IRF2BPL: variants seen among roughly 807,000 people sequenced by gnomAD.
IRF2BPL encodes the protein probable E3 ubiquitin-protein ligase IRF2BPL.
Under a neutral mutation model 51.2 loss-of-function variants are expected in IRF2BPL, and 13 were observed. The ratio of observed to expected loss-of-function variants is 0.25; its 90% CI spans 0.17 to 0.40. The LOEUF (loss-of-function observed/expected upper bound fraction) is 0.40. Ranked by LOEUF, IRF2BPL falls within the 10% of genes least tolerant of loss-of-function variation. The probability of loss-of-function intolerance (pLI) is 1.00; values close to 1 mark genes in which losing one functional copy is unlikely to be tolerated. For synonymous variants in IRF2BPL, 768 were observed against 509.2 expected (o/e 1.51, Z -6.84); for missense variants, 1,210 against 1,111.8 (o/e 1.09, Z -1.26).
Position 77,027,539 on chromosome 14 carries a change from G to C in IRF2BPL, c.254C>G (p.Ala85Gly). 2 of 720,542 alleles carry C rather than the reference G, an allele frequency of 2.8e-6. No homozygotes were observed. Among genetic ancestry groups the C allele is most frequent in the South Asian group, 9.9e-5 (2 of 20,254 alleles). 44.6% of individuals were successfully genotyped at this position (720,542 alleles called of 1,614,324 possible). The change falls in exon 1 of 1, where the codon GCT (alanine) becomes GGT (glycine). Residue 85 changes from alanine (A) to glycine (G), a missense_variant. Transcript: ENST00000238647. ...TGCCGCCGCCGCCGCCGCTTCCTTAGCCGACAGGGCCACTGTCTTGACCCC... is the reference window on the plus strand; with the variant it reads ...TGCCGCCGCCGCCGCCGCTTCCTTACCCGACAGGGCCACTGTCTTGACCCC... ...PVGVKTVALS[A>G]KEAAAAAAAA...
chr14:77,025,467 T>A lies in IRF2BPL; in HGVS notation c.2326A>T (p.Met776Leu). 6.2e-7 allele frequency: 1 copy of A among 1,605,346 alleles called. No individual in the cohort carries two copies. ...LVGSNVPWAF[M>L]QGEIATILAG... ...AAGATAGTCGCGATTTCGCCCTGCA[T>A]GAAGGCCCAAGGTACATTCGACCCG... Residue 776 changes from methionine to leucine, a missense_variant, in exon 1 of 1, where the codon ATG becomes TTG. Met to Leu is a conservative substitution (Grantham distance 15). Coordinates refer to ENST00000238647, the MANE Select transcript of IRF2BPL (RefSeq NM_024496.4).
chr14:77,027,365 G>T lies in IRF2BPL; in HGVS notation c.428C>A (p.Pro143Gln). The T allele has an allele frequency of 6.6e-7, 1 of 1,512,336 alleles. No individual in the cohort carries two copies. Among genetic ancestry groups the T allele is most frequent in the Admixed American group, 2.2e-5 (1 of 44,724 alleles). 93.7% of individuals were successfully genotyped at this position (1,512,336 alleles called of 1,614,324 possible). A position where few individuals can be genotyped will look rare whatever the true frequency, so the allele number is the denominator to read the frequency against. The change falls in exon 1 of 1, where the codon CCG becomes CAG. Residue 143 changes from proline (P) to glutamine (Q), a missense_variant. By Grantham distance (76) the Pro-to-Gln change is moderately conservative. Coordinates refer to ENST00000238647, the MANE Select transcript of IRF2BPL (RefSeq NM_024496.4). ...TAGGCCGTAGCGCTCCAGGCCAGAC[G>T]GGGCCGCCAGCACCGCAGGCTTGCT... ...GSSKPAVLAA[P>Q]SGLERYGLSA...
chr14:77,025,327 G>C lies in IRF2BPL; in HGVS notation c.*75C>G, dbSNP rs1341127765. The C allele has an allele frequency of 1.9e-6, 2 of 1,068,886 alleles. No homozygotes were observed. Among genetic ancestry groups the C allele is most frequent in the Non-Finnish European group, 2.7e-6 (2 of 750,352 alleles). The allele number at this position is 1,068,886 out of a possible 1,614,324, so 66.2% of individuals were successfully genotyped here. A position where few individuals can be genotyped will look rare whatever the true frequency, so the allele number is the denominator to read the frequency against. On this transcript the variant is annotated 3_prime_UTR_variant, in exon 1 of 1. Coordinates refer to ENST00000238647, the MANE Select transcript of IRF2BPL (RefSeq NM_024496.4). ...CTTGGGGGTGAGGGGAGGGAGGGTC[G>C]AGTTGGGTTGGGGGAGGGGCCCTCA...
chr14:77,025,739 G>A lies in IRF2BPL; in HGVS notation c.2054C>T (p.Pro685Leu), dbSNP rs1885094240. The A allele has an allele frequency of 6.3e-7, 1 of 1,585,002 alleles. No homozygotes were observed. The highest frequency in any genetic ancestry group is 8.6e-7 in the Non-Finnish European group (1 of 1,164,576). Residue 685 changes from proline (P) to leucine (L), a missense_variant, in exon 1 of 1, where the codon CCC becomes CTC. By Grantham distance (98) the Pro-to-Leu change is moderately conservative. Coordinates refer to ENST00000238647, the MANE Select transcript of IRF2BPL (RefSeq NM_024496.4). ...GCCCGGGTGGGCGCTAGGCGGCGGG[G>A]GCGCCACCTGTAAATTCAGGTCCCC... is the stretch of plus-strand genomic sequence containing the variant. ...RNGDLNLQVAPPPPSAHPGMD... is the reference protein window; with the variant it reads ...RNGDLNLQVALPPPSAHPGMD...
rs908328300 is a variant in IRF2BPL, at chr14:77,026,230, G to C, written c.1563C>G (p.Pro521=). The change falls in exon 1 of 1, where the codon CCC becomes CCG. Residue 521 remains proline, a synonymous_variant. Transcript: ENST00000238647. The stretch of plus-strand genomic sequence containing the variant: ...CGGGCGGCAAGGCCCCGGTCCCCGG[G>C]GGTGCGCTGGGGGCGCGGCTCAGAC... The part of the protein sequence containing the change: ...LVSLSRAPSA[P]PGTGALPPAA... The C allele has an allele frequency of 7.0e-7, 1 of 1,421,174 alleles. No homozygotes were observed. Among genetic ancestry groups the C allele is most frequent in the African/African-American group, 1.5e-5 (1 of 67,182 alleles). The allele number at this position is 1,421,174 out of a possible 1,614,324, so 88.0% of individuals were successfully genotyped here. A position where few individuals can be genotyped will look rare whatever the true frequency, so the allele number is the denominator to read the frequency against.
rs111536416 is a variant in IRF2BPL at position 77,025,279 on chromosome 14, T to C, written c.*123A>G. On this transcript the variant is annotated 3_prime_UTR_variant, in exon 1 of 1. Transcript: ENST00000238647. ...TACATAAGACTAACTTTTTGCAGTT[T>C]CGTTATATTCACAATTCTACACCTT... 3 of 602,326 alleles carry C rather than the reference T, an allele frequency of 5.0e-6. No individual in the cohort carries two copies. The highest frequency in any genetic ancestry group is 5.5e-6 in the Non-Finnish European group (2 of 362,338). 37.3% of individuals were successfully genotyped at this position (602,326 alleles called of 1,614,324 possible). A position where few individuals can be genotyped will look rare whatever the true frequency, so the allele number is the denominator to read the frequency against.
Position 77,026,088 on chromosome 14 carries a change from A to C in IRF2BPL, c.1705T>G (p.Trp569Gly). 1 of 1,574,494 alleles carries C rather than the reference A, an allele frequency of 6.4e-7. No homozygotes were observed. Among genetic ancestry groups the C allele is most frequent in the Non-Finnish European group, 8.6e-7 (1 of 1,165,238 alleles). The change falls in exon 1 of 1, where the codon TGG becomes GGG. Residue 569 changes from tryptophan (W) to glycine (G), a missense_variant. Trp to Gly is a radical substitution (Grantham distance 184). Transcript: ENST00000238647. ...KLGEEQQRQQ[W>G]MANQSEALKL... The stretch of plus-strand genomic sequence containing the variant: ...AGCGCCTCGCTCTGGTTCGCCATCC[A>C]CTGCTGCCTCTGCTGTTCCTCGCCC...
In IRF2BPL at chr14:77,025,243, A is replaced by T. The variant is rs904201308; in HGVS notation, c.*159T>A. On this transcript the variant is annotated 3_prime_UTR_variant, in exon 1 of 1. Coordinates refer to ENST00000238647, the MANE Select transcript of IRF2BPL (RefSeq NM_024496.4). ...TCAAAATATAGAAACATACGACGAA[A>T]ATAATGTCTATACATAAGACTAACT... 4.2e-6 allele frequency: 2 copies of T among 473,326 alleles called. No homozygotes were observed. The highest frequency in any genetic ancestry group is 7.4e-6 in the Non-Finnish European group (2 of 269,752). The allele number at this position is 473,326 out of a possible 1,614,324, so 29.3% of individuals were successfully genotyped here.
rs1448039519 is a variant in IRF2BPL, at chr14:77,025,414, C to T, written c.2379G>A (p.Glu793=). 1.3e-6 allele frequency: 2 copies of T among 1,559,016 alleles called. No individual in the cohort carries two copies. The highest frequency in any genetic ancestry group is 1.7e-4 in the Middle Eastern group (1 of 5,816). Residue 793 remains glutamate, a synonymous_variant, in exon 1 of 1, where the codon GAG becomes GAA. Coordinates refer to ENST00000238647, the MANE Select transcript of IRF2BPL (RefSeq NM_024496.4). ...GCTGCCCAGTGGTTCAAGGGTCTCT[C>T]TCCTTTTTCACTTTAACATCCCCAG... ...ILAGDVKVKK[E]RDP
Position 77,026,431 on chromosome 14 carries a change from G to C in IRF2BPL, c.1362C>G (p.Ser454=), listed in dbSNP as rs368523240. 14 of 1,613,508 alleles carry C rather than the reference G, an allele frequency of 8.7e-6. No individual in the cohort carries two copies. Among genetic ancestry groups the C allele is most frequent in the Admixed American group, 1.7e-5 (1 of 60,026 alleles). The change falls in exon 1 of 1, where the codon TCC becomes TCG. Residue 454 remains serine (S), a synonymous_variant. Coordinates refer to ENST00000238647, the MANE Select transcript of IRF2BPL (RefSeq NM_024496.4). Reference sequence around the variant, plus strand: ...CGTACTCCAGGTACTTGAAACCCGAGGATAGGCCCCGGCCGAAGTCCTTCA... The same window carrying C: ...CGTACTCCAGGTACTTGAAACCCGACGATAGGCCCCGGCCGAAGTCCTTCA... ...DCMKDFGRGL[S]SGFKYLEYEK...
chr14:77,027,832 T>C lies in IRF2BPL; in HGVS notation c.-40A>G. On this transcript the variant is annotated 5_prime_UTR_variant, in exon 1 of 1. Transcript: ENST00000238647. The stretch of plus-strand genomic sequence containing the variant: ...GGAAGGTAGGCCCCCGCCCGGGCTG[T>C]CTCCGCGGCGCCTTCTCCTCCGGGA... The C allele has an allele frequency of 6.8e-7, 1 of 1,461,660 alleles. No homozygotes were observed. The allele number at this position is 1,461,660 out of a possible 1,614,324, so 90.5% of individuals were successfully genotyped here.
At position 77,025,363 on chromosome 14, in the gene IRF2BPL, G is replaced by A. The variant is rs1885079656; in HGVS notation, c.*39C>T. On this transcript the variant is annotated 3_prime_UTR_variant, in exon 1 of 1. Transcript: ENST00000238647. ...GGGGAGGGGCCCTCAGGATTGGAGA[G>A]GAGCTGGTCTAGGGCAAAGGAGGTG... 5 of 1,438,046 alleles carry A rather than the reference G, an allele frequency of 3.5e-6. No homozygotes were observed. The highest frequency in any genetic ancestry group is 4.7e-6 in the Non-Finnish European group (5 of 1,069,486). The allele number at this position is 1,438,046 out of a possible 1,614,324, so 89.1% of individuals were successfully genotyped here. A position where few individuals can be genotyped will look rare whatever the true frequency, so the allele number is the denominator to read the frequency against.
At position 77,027,117 on chromosome 14, in the gene IRF2BPL, C is replaced by G; in HGVS notation, c.676G>C (p.Ala226Pro). The G allele has an allele frequency of 3.1e-6, 5 of 1,611,828 alleles. No homozygotes were observed. Among genetic ancestry groups the G allele is most frequent in the Non-Finnish European group, 4.2e-6 (5 of 1,179,466 alleles). The change falls in exon 1 of 1, where the codon GCG becomes CCG. Residue 226 changes from alanine to proline, a missense_variant. By Grantham distance (27) the Ala-to-Pro change is conservative. Transcript: ENST00000238647. ...PNSSSAAASV[A>P]SRRGTHGGLV... Reference sequence around the variant, plus strand: ...CCACCGTGCGTTCCACGCCGAGACGCCACCGACGCCGCCGCTGAAGAAGAA... The same window carrying G: ...CCACCGTGCGTTCCACGCCGAGACGGCACCGACGCCGCCGCTGAAGAAGAA...
At position 77,026,784 on chromosome 14, in the gene IRF2BPL, T is replaced by A. The variant is rs373283211; in HGVS notation, c.1009A>T (p.Ser337Cys). The A allele has an allele frequency of 2.4e-5, 39 of 1,612,596 alleles. No homozygotes were observed. The highest frequency in any genetic ancestry group is 2.5e-5 in the Non-Finnish European group (30 of 1,179,774). The part of the protein sequence containing the change: ...AGGKRPGSVS[S>C]TDQERELKEK... ...TTCAACTCGCGCTCCTGGTCTGTGC[T>A]CGACACCGAGCCGGGCCTCTTACCA... is the stretch of plus-strand genomic sequence containing the variant. The change falls in exon 1 of 1, where the codon AGC becomes TGC. Residue 337 changes from serine to cysteine, a missense_variant. Ser to Cys is a moderately radical substitution (Grantham distance 112, BLOSUM62 -1). Coordinates refer to ENST00000238647, the MANE Select transcript of IRF2BPL (RefSeq NM_024496.4).
rs773244618 is a variant in IRF2BPL, at chr14:77,026,422, G to A, written c.1371C>T (p.Phe457=). Residue 457 remains phenylalanine (F), a synonymous_variant, in exon 1 of 1, where the codon TTC becomes TTT. Coordinates refer to ENST00000238647, the MANE Select transcript of IRF2BPL (RefSeq NM_024496.4). ...KDFGRGLSSG[F]KYLEYEKKHG... is the part of the protein sequence containing the mutation. ...GCTTCTTTTCGTACTCCAGGTACTT[G>A]AAACCCGAGGATAGGCCCCGGCCGA... is the stretch of plus-strand genomic sequence containing the variant. The A allele has an allele frequency of 4.3e-6, 7 of 1,613,410 alleles. No individual in the cohort carries two copies. In the East Asian group the frequency reaches 1.3e-4, roughly 31 times the overall value.
Position 77,026,881 on chromosome 14 carries a change from A to C in IRF2BPL, c.912T>G (p.Gly304=). The C allele has an allele frequency of 6.4e-7, 1 of 1,555,604 alleles. No individual in the cohort carries two copies. The highest frequency in any genetic ancestry group is 8.7e-7 in the Non-Finnish European group (1 of 1,151,326). ...ACGCGGAGGACGACGTGGCCGATAC[A>C]CCCGGGGTACCCCCGAGACAAGCGG... is the stretch of plus-strand genomic sequence containing the variant. ...GGPACLGGTP[G]VSATSSSASS... is the part of the protein sequence containing the mutation. The change falls in exon 1 of 1, where the codon GGT becomes GGG. Residue 304 remains glycine (G), a synonymous_variant. Coordinates refer to ENST00000238647, the MANE Select transcript of IRF2BPL (RefSeq NM_024496.4).
chr14:77,027,418 TTGCTGCTGCTGCTGCTGCTGC>T lies in IRF2BPL; in HGVS notation c.354_374del (p.Gln121_Gln127del), dbSNP rs200317113. 17 of 1,385,378 alleles carry T rather than the reference TTGCTGCTGCTGCTGCTGCTGC, an allele frequency of 1.2e-5. No individual in the cohort carries two copies. Among genetic ancestry groups the T allele is most frequent in the East Asian group, 3.1e-5 (1 of 32,438 alleles). 85.8% of individuals were successfully genotyped at this position (1,385,378 alleles called of 1,614,324 possible). On this transcript the variant is annotated inframe_deletion, in exon 1 of 1. Transcript: ENST00000238647. ...AACCATCAACGTGGTTGAGCTGTTG[TTGCTGCTGCTGCTGCTGCTGC>T]TGCTGCTGCTGTTGCTGCTGCTGCT...
Position 77,026,493 on chromosome 14 carries a change from C to T in IRF2BPL, c.1300G>A (p.Ala434Thr). The change falls in exon 1 of 1, where the codon GCA becomes ACA. Residue 434 changes from alanine to threonine, a missense_variant. Physicochemically the swap from Ala to Thr is moderately conservative, Grantham distance 58. Coordinates refer to ENST00000238647, the MANE Select transcript of IRF2BPL (RefSeq NM_024496.4). ...TACATCTGCTTGGCCACACCAGATG[C>T]ACTGGAGTACACGTTGCCCGAGCCC... ...PTGSGNVYSS[A>T]SGVAKQMYQD... 1.2e-6 allele frequency: 2 copies of T among 1,613,550 alleles called. No homozygotes were observed. Among genetic ancestry groups the T allele is most frequent in the Non-Finnish European group, 1.7e-6 (2 of 1,179,940 alleles).
Position 77,027,634 on chromosome 14 carries a change from T to G in IRF2BPL, c.159A>C (p.Thr53=), listed in dbSNP as rs1332060605. 6.2e-7 allele frequency: 1 copy of G among 1,608,964 alleles called. No individual in the cohort carries two copies. The highest frequency in any genetic ancestry group is 8.5e-7 in the Non-Finnish European group (1 of 1,178,452). The part of the protein sequence containing the change: ...GADRIEFVIE[T]ARQLKRAHGC... The stretch of plus-strand genomic sequence containing the variant: ...CGTGCGCCCGCTTCAGCTGGCGCGC[T>G]GTCTCGATCACGAATTCGATGCGAT... Residue 53 remains threonine (T), a synonymous_variant, in exon 1 of 1, where the codon ACA becomes ACC. Transcript: ENST00000238647.
Sources: allele counts gnomAD v4.1 joint callset, GRCh38; gene constraint gnomAD v4.1.1; transcripts MANE v1.5; gene names NCBI Gene and HGNC (gene_info 2026-07-23, HGNC 2026-07-21).